The following KHDRBS2 variants were observed in gnomAD, a reference collection of about 807,000 sequenced individuals.
KHDRBS2 encodes the protein KH domain-containing, RNA-binding, signal transduction-associated protein 2.
Under a neutral mutation model 44.3 loss-of-function variants are expected in KHDRBS2, and 26 were observed. That is an observed-to-expected ratio of 0.59 (90% CI 0.43 to 0.81). KHDRBS2 has a LOEUF of 0.81. Among genes scored for constraint, KHDRBS2 ranks in the 40% least tolerant of loss-of-function variants. The pLI, the probability that KHDRBS2 is intolerant of heterozygous loss-of-function variation, is 0.00. For missense variants in KHDRBS2, 476 were observed against 433.1 expected (o/e 1.10, Z -0.88); for synonymous variants, 194 against 151.1 (o/e 1.28, Z -2.08).
At chr6:61,861,397 G>T (rs890393530) in intron 6 of KHDRBS2, among the ~76,000 whole-genome samples, 7 of 152,096 alleles carry the variant, frequency 4.6e-5, no homozygotes, top group African/African-American at 1.7e-4. Flanking sequence ...TGTATATGGT[G>T]TAAGAAAGGG....
the KHDRBS2 span, among the ~76,000 whole-genome samples, chr6:61,611,177 T>C: frequency 6.6e-6 from 1 of 152,164 alleles, no homozygotes; most frequent in Non-Finnish European, 1.5e-5. Context: ...AATCAAGCAA[T>C]TGGGACAGGA....
intron 2 of KHDRBS2, among the ~76,000 whole-genome samples, chr6:62,097,949 G>A (rs1800985868): frequency 6.6e-6 from 1 of 151,920 alleles, no homozygotes; most frequent in Non-Finnish European, 1.5e-5. Flanking sequence ...TTTATAACAA[G>A]TTATTTTACA....
chr6:62,123,057 C>T (rs1431707253), intron 2 of KHDRBS2, among the ~76,000 whole-genome samples: 1 of 152,112 alleles, frequency 6.6e-6, no homozygotes, highest in Non-Finnish European at 1.5e-5. Flanking sequence ...CCTAGACCCC[C>T]AACCCCCAAC....
intron 8 of KHDRBS2, among the ~76,000 whole-genome samples, chr6:61,682,305 G>A (rs1297693097): frequency 6.6e-6 from 1 of 151,838 alleles, no homozygotes; most frequent in Non-Finnish European, 1.5e-5. Flanking sequence ...TTAGTTTTTT[G>A]AGAATATTCT....
chr6:61,911,546 T>G (rs2127351516), intron 4 of KHDRBS2, among the ~76,000 whole-genome samples: 1 of 152,328 alleles, frequency 6.6e-6, no homozygotes, highest in African/African-American at 2.4e-5. Context: ...TTTTTGTTGG[T>G]TTAAAATATT....
intron 2 of KHDRBS2, among the ~76,000 whole-genome samples, chr6:62,073,108 C>T (rs1795570245): frequency 6.6e-6 from 1 of 151,806 alleles, no homozygotes; most frequent in African/African-American, 2.4e-5. Flanking sequence ...GGAAAGTGTT[C>T]ACTTCTAATC....
At chr6:62,086,875 C>T (rs759482081) in intron 2 of KHDRBS2, among the ~76,000 whole-genome samples, 3 of 151,028 alleles carry the variant, frequency 2.0e-5, no homozygotes, top group Non-Finnish European at 4.4e-5. Flanking sequence ...GGCAGGGATC[C>T]ATTTCATCAT....
chr6:61,583,358 C>T, the KHDRBS2 span, among the ~76,000 whole-genome samples: 1 of 151,712 alleles, frequency 6.6e-6, no homozygotes, highest in Non-Finnish European at 1.5e-5. Context: ...TGTAAAATAA[C>T]ACAGCTTATT....
chr6:62,196,083 A>G (rs1369532968), intron 1 of KHDRBS2, among the ~76,000 whole-genome samples: 1 of 152,110 alleles, frequency 6.6e-6, no homozygotes, highest in East Asian at 1.9e-4. Context: ...TTTAGGATCA[A>G]TAACTTATAA....
chr6:61,602,900 A>G, the KHDRBS2 span, among the ~76,000 whole-genome samples: 1 of 152,108 alleles, frequency 6.6e-6, no homozygotes, highest in East Asian at 1.9e-4. Flanking sequence ...TGCTTCCCTG[A>G]CTATTCCTAG....
chr6:61,614,658 T>TA, the KHDRBS2 span, among the ~76,000 whole-genome samples: 7 of 152,202 alleles, frequency 4.6e-5, no homozygotes, highest in Non-Finnish European at 1.0e-4. Context: ...ATTTTTATTC[T>TA]AGATAGAGGC....
chr6:62,145,043 C>A (rs1319093927), intron 2 of KHDRBS2, among the ~76,000 whole-genome samples: 1 of 151,974 alleles, frequency 6.6e-6, no homozygotes, highest in Non-Finnish European at 1.5e-5. Flanking sequence ...GAGGGTCTCA[C>A]CAGAAGCATA....
intron 2 of KHDRBS2, among the ~76,000 whole-genome samples, chr6:62,050,188 TAGGA>T (rs1186362312): frequency 6.6e-6 from 1 of 151,816 alleles, no homozygotes; most frequent in Non-Finnish European, 1.5e-5. Context: ...CAAACTGACA[TAGGA>T]ACAGAAAACC....
intron 6 of KHDRBS2, among the ~76,000 whole-genome samples, chr6:61,841,648 T>A (rs1793621864): frequency 6.6e-6 from 1 of 152,184 alleles, no homozygotes; most frequent in Non-Finnish European, 1.5e-5. Context: ...TACATCTTCC[T>A]AAATGAGTCC....
chr6:62,267,826 T>C (rs1366485122), intron 1 of KHDRBS2, among the ~76,000 whole-genome samples: 2 of 152,042 alleles, frequency 1.3e-5, no homozygotes, highest in Admixed American at 1.3e-4. Flanking sequence ...TAATATCAAA[T>C]CATACATTCA....
intron 4 of KHDRBS2, among the ~76,000 whole-genome samples, chr6:61,903,883 T>C (rs968982038): frequency 6.6e-6 from 1 of 152,084 alleles, no homozygotes; most frequent in Non-Finnish European, 1.5e-5. Context: ...CACCCAAACA[T>C]AACAGTGAGG....
intron 1 of KHDRBS2, among the ~76,000 whole-genome samples, chr6:62,212,491 A>G (rs1829232491): frequency 6.6e-6 from 1 of 152,064 alleles, no homozygotes; most frequent in Non-Finnish European, 1.5e-5. Context: ...ACCTCAGAAT[A>G]TGACCTTTTT....
At chr6:61,577,544 T>C in the KHDRBS2 span, among the ~76,000 whole-genome samples, 1 of 152,182 alleles carries the variant, frequency 6.6e-6, no homozygotes, top group East Asian at 1.9e-4. Flanking sequence ...TAGAAGACTT[T>C]GAACGTTTAT....
In KHDRBS2 at chr6:62,107,432, T is replaced by G. The variant is rs558881174; in HGVS notation, c.220-59438A>C. Among the ~76,000 whole-genome samples, 354 of 152,016 alleles carry G rather than the reference T, an allele frequency of 2.3e-3. 5 individuals are homozygous for G. Among genetic ancestry groups the G allele is most frequent in the South Asian group, 4.2e-3 (20 of 4,802 alleles). On this transcript the variant is annotated intron_variant, in intron 2 of 8. Transcript: ENST00000281156. ...AGGAGAACTACAAACCACTGCTCAG[T>G]GAAATAAAAGAGGATACAAACAAAC...
Sources: allele counts gnomAD v4.1 joint callset (sites outside exome capture counted in the v4.1 genomes callset), GRCh38; gene constraint gnomAD v4.1.1; transcripts MANE v1.5; gene names NCBI Gene and HGNC (gene_info 2026-07-23, HGNC 2026-07-21).